Variants in MTUS2 observed in about 807,000 individuals in gnomAD.
MTUS2 encodes the protein microtubule-associated tumor suppressor candidate 2.
In MTUS2, 40 loss-of-function variants were observed where a neutral mutation model predicts 114.1. The ratio of observed to expected loss-of-function variants is 0.35; its 90% CI spans 0.27 to 0.46. The LOEUF (loss-of-function observed/expected upper bound fraction) is 0.46, where lower values mean the gene tolerates loss of function less well. Among genes scored for constraint, MTUS2 ranks in the 20% least tolerant of loss-of-function variants. The probability of loss-of-function intolerance (pLI) is 1.00; values close to 1 mark genes in which losing one functional copy is unlikely to be tolerated. For missense variants in MTUS2, 1,679 were observed against 1,705.4 expected, an observed-to-expected ratio of 0.98 and a Z score of 0.27; for synonymous variants, 688 against 672.0, an observed-to-expected ratio of 1.02 and a Z score of -0.37.
chr13:28,906,140 T>G (rs1482235690), intron 2 of MTUS2, among the ~76,000 whole-genome samples: 1 of 151,522 alleles, frequency 6.6e-6, no homozygotes, highest in South Asian at 2.1e-4. Context: ...TTGATTCTTC[T>G]CTGTTTTCTT....
At chr13:29,128,885 C>A (rs9508289) in intron 5 of MTUS2, among the ~76,000 whole-genome samples, 1 of 152,038 alleles carries the variant, frequency 6.6e-6, no homozygotes, top group Non-Finnish European at 1.5e-5. Flanking sequence ...TAAATGTATT[C>A]GGTGATTACA....
At chr13:29,257,294 C>T (rs747604155) in intron 5 of MTUS2, among the ~76,000 whole-genome samples, 1 of 152,158 alleles carries the variant, frequency 6.6e-6, no homozygotes, top group Non-Finnish European at 1.5e-5. Flanking sequence ...CTAATGCCAC[C>T]ACATGGGGTG....
At chr13:29,262,006 C>T (rs915803897) in intron 5 of MTUS2, among the ~76,000 whole-genome samples, 17 of 152,244 alleles carry the variant, frequency 1.1e-4, no homozygotes, top group South Asian at 4.2e-4. Context: ...AAATTTTCTC[C>T]TATGTGAATG....
chr13:29,215,644 G>A (rs1161118737), intron 5 of MTUS2, among the ~76,000 whole-genome samples: 7 of 151,980 alleles, frequency 4.6e-5, no homozygotes, highest in South Asian at 4.2e-4. Context: ...TCTATTGCTG[G>A]TCTGCTGGAA....
At chr13:28,959,327 C>T (rs76857247) in intron 2 of MTUS2, among the ~76,000 whole-genome samples, 3,445 of 152,214 alleles carry the variant, frequency 0.023, 117 homozygotes, top group African/African-American at 0.076. Flanking sequence ...TGTAATGACC[C>T]ACTGCAGTGG....
intron 2 of MTUS2, among the ~76,000 whole-genome samples, chr13:28,849,711 C>G (rs1276547570): frequency 1.3e-5 from 2 of 151,982 alleles, no homozygotes; most frequent in Non-Finnish European, 2.9e-5. Context: ...CTGCTTGAAC[C>G]CTTTGCTCCA....
At chr13:29,354,774 GC>G (rs1869599978) in intron 7 of MTUS2, among the ~76,000 whole-genome samples, 1 of 152,168 alleles carries the variant, frequency 6.6e-6, no homozygotes, top group African/African-American at 2.4e-5. Context: ...CCAAGCCATT[GC>G]CAGTACTAAG....
chr13:29,080,768 C>G (rs1479600152), intron 4 of MTUS2, among the ~76,000 whole-genome samples: 2 of 152,188 alleles, frequency 1.3e-5, no homozygotes, highest in African/African-American at 4.8e-5. Flanking sequence ...TGTTGTCACC[C>G]TGGCTAGAAT....
At chr13:29,361,339 G>A (rs1566153894) in intron 8 of MTUS2, among the ~76,000 whole-genome samples, 6 of 152,072 alleles carry the variant, frequency 3.9e-5, no homozygotes, top group Admixed American at 3.9e-4. Context: ...CTCCAAATGG[G>A]CTTCAAAAAT....
chr13:29,065,650 G>C lies in MTUS2; in HGVS notation c.2446+31525G>C, dbSNP rs936253561. Among the ~76,000 whole-genome samples the C allele has an allele frequency of 2.0e-5, 3 of 152,134 alleles. No individual in the cohort carries two copies. The East Asian group carries it at 5.8e-4, about 29-fold the overall frequency. On this transcript the variant is annotated intron_variant, in intron 4 of 15. Coordinates refer to ENST00000612955, the MANE Select transcript of MTUS2 (RefSeq NM_001033602.4). ...ACTCTGTTGTTAGTTTCTTTTGTGG[G>C]ATTGCAGTAATTTTTAAGTTGACAC...
chr13:29,292,940 G>T (rs577652248), intron 6 of MTUS2, among the ~76,000 whole-genome samples: 1 of 152,060 alleles, frequency 6.6e-6, no homozygotes, highest in Non-Finnish European at 1.5e-5. Context: ...AAATGTTAAA[G>T]ACTTTAATTC....
At chr13:28,903,766 G>A (rs1037476287) in intron 2 of MTUS2, among the ~76,000 whole-genome samples, 8 of 151,728 alleles carry the variant, frequency 5.3e-5, no homozygotes, top group Non-Finnish European at 1.0e-4. Flanking sequence ...TAATCCTTTG[G>A]GTATATACCC....
intron 1 of MTUS2, among the ~76,000 whole-genome samples, chr13:28,829,066 A>G (rs1273922032): frequency 6.6e-6 from 1 of 152,236 alleles, no homozygotes; most frequent in African/African-American, 2.4e-5. Flanking sequence ...AAAAATATCA[A>G]AATAAACCAT....
Position 29,100,899 on chromosome 13 carries a change from C to G in MTUS2, c.2573C>G (p.Ser858Cys), listed in dbSNP as rs1255954590. 14 of 1,571,358 alleles carry G rather than the reference C, an allele frequency of 8.9e-6. No individual in the cohort carries two copies. The highest frequency in any genetic ancestry group is 1.2e-5 in the Non-Finnish European group (14 of 1,158,154). Residue 858 changes from serine (S) to cysteine (C), a missense_variant, in exon 5 of 16, where the codon TCC (serine) becomes TGC (cysteine). Ser to Cys is a moderately radical substitution (Grantham distance 112, BLOSUM62 -1). This residue lies in a region of MTUS2 where 822 missense variants were observed against 899.7 expected (regional missense o/e 0.91). Coordinates refer to ENST00000612955, the MANE Select transcript of MTUS2 (RefSeq NM_001033602.4). ...KLAAFGFVRS[S>C]SVSSVSSTQS... ...GCGGCATTTGGCTTTGTCCGGAGCT[C>G]CAGCGTCTCCTCAGTCTCCAGCACC...
intron 2 of MTUS2, among the ~76,000 whole-genome samples, chr13:28,930,037 A>C (rs73161865): frequency 0.084 from 12,757 of 152,178 alleles, 604 homozygotes; most frequent in South Asian, 0.13. Context: ...CCCAGATGGC[A>C]CTGGGATTTA....
chr13:29,193,573 A>G (rs900988232), intron 5 of MTUS2, among the ~76,000 whole-genome samples: 1 of 152,148 alleles, frequency 6.6e-6, no homozygotes, highest in Non-Finnish European at 1.5e-5. Context: ...ACTACAAACC[A>G]CTGCTCAATG....
chr13:29,059,167 T>G (rs1033267276), intron 4 of MTUS2, among the ~76,000 whole-genome samples: 2 of 151,436 alleles, frequency 1.3e-5, no homozygotes, highest in Non-Finnish European at 2.9e-5. Flanking sequence ...GTTCTTGCAC[T>G]GGTTCTTTCT....
intron 5 of MTUS2, among the ~76,000 whole-genome samples, chr13:29,124,214 A>G (rs1891424151): frequency 6.6e-6 from 1 of 152,202 alleles, no homozygotes; most frequent in African/African-American, 2.4e-5. Flanking sequence ...TAAGATGAAG[A>G]AGACTTGGTT....
chr13:29,389,349 G>GTA (rs1373563702), intron 8 of MTUS2, among the ~76,000 whole-genome samples: 3 of 78,368 alleles, frequency 3.8e-5, no homozygotes, highest in Non-Finnish European at 7.5e-5. Flanking sequence ...ATGCACGTGT[G>GTA]TGTATATATG....
Sources: allele counts gnomAD v4.1 joint callset (sites outside exome capture counted in the v4.1 genomes callset), GRCh38; gene constraint gnomAD v4.1.1; regional missense constraint gnomAD v4.1.1; transcripts MANE v1.5; gene names NCBI Gene and HGNC (gene_info 2026-07-23, HGNC 2026-07-21).